SORCS1: variants seen among roughly 807,000 people sequenced by gnomAD.
SORCS1 encodes the protein VPS10 domain-containing receptor SorCS1.
In SORCS1, 60 loss-of-function variants were observed where a neutral mutation model predicts 146.1. That is an observed-to-expected ratio of 0.41 (90% CI 0.33 to 0.51). The LOEUF (loss-of-function observed/expected upper bound fraction) is 0.51, where lower values mean the gene tolerates loss of function less well. SORCS1 is among the 20% of genes least tolerant of loss of function. The pLI is 0.21. For synonymous variants in SORCS1, 637 were observed against 584.0 expected (o/e 1.09, Z -1.31); for missense variants, 1,352 against 1,487.6 (o/e 0.91, Z 1.50).
At chr10:106,807,546 C>T (rs1947250201) in intron 3 of SORCS1, among the ~76,000 whole-genome samples, 1 of 152,150 alleles carries the variant, frequency 6.6e-6, no homozygotes, top group African/African-American at 2.4e-5. Context: ...GCAGGTTTTT[C>T]ACTGAGATGT....
intron 1 of SORCS1, among the ~76,000 whole-genome samples, chr10:107,130,187 A>C (rs1966852180): frequency 6.6e-6 from 1 of 152,234 alleles, no homozygotes; most frequent in African/African-American, 2.4e-5. Context: ...CAAACCACCA[A>C]TAATGAGACA....
At chr10:106,797,394 GT>G (rs1436847177) in intron 3 of SORCS1, among the ~76,000 whole-genome samples, 1 of 151,806 alleles carries the variant, frequency 6.6e-6, no homozygotes, top group East Asian at 1.9e-4. Flanking sequence ...ACTACATGAT[GT>G]TGTTAACTCT....
chr10:107,154,513 A>G (rs1969117007), intron 1 of SORCS1, among the ~76,000 whole-genome samples: 2 of 152,216 alleles, frequency 1.3e-5, no homozygotes, highest in Non-Finnish European at 2.9e-5. Flanking sequence ...GGTTGTTCAC[A>G]ACACATGAAA....
intron 1 of SORCS1, among the ~76,000 whole-genome samples, chr10:107,116,325 C>T (rs1008224528): frequency 9.2e-5 from 14 of 152,100 alleles, no homozygotes; most frequent in Non-Finnish European, 2.1e-4. Context: ...ATATTCATTG[C>T]AGCATTATTC....
At chr10:107,035,480 G>A (rs2133958078) in intron 1 of SORCS1, among the ~76,000 whole-genome samples, 1 of 152,202 alleles carries the variant, frequency 6.6e-6, no homozygotes, top group South Asian at 2.1e-4. Flanking sequence ...CCATGCTTTT[G>A]CAGAATGGAG....
rs1427196970 is a variant in SORCS1, at chr10:106,612,361, CT to C, written c.2921-339del. On this transcript the variant is annotated intron_variant, in intron 21 of 25. Transcript: ENST00000263054. ...GCCCCCCTTCCCCCCTTCTCCTTTC[CT>C]CTGTCTCCCCCTTTCCCCCTTTTCT... 8.8e-5 allele frequency among the ~76,000 whole-genome samples: 11 copies of C among 124,876 alleles called. No homozygotes were observed. In the South Asian group the frequency reaches 1.4e-3, roughly 15 times the overall value. 81.9% of individuals were successfully genotyped at this position (124,876 alleles called of 152,430 possible).
intron 1 of SORCS1, among the ~76,000 whole-genome samples, chr10:107,081,245 A>C (rs1456999494): frequency 1.3e-5 from 2 of 152,198 alleles, no homozygotes; most frequent in Non-Finnish European, 2.9e-5. Context: ...GACATCTGAA[A>C]ATTTTTCCTG....
At chr10:106,728,227 T>C (rs1010503899) in intron 6 of SORCS1, among the ~76,000 whole-genome samples, 1 of 152,152 alleles carries the variant, frequency 6.6e-6, no homozygotes, top group Non-Finnish European at 1.5e-5. Flanking sequence ...AGATGGGGTC[T>C]CACCATGTTG....
chr10:107,145,939 A>C (rs1968286688), intron 1 of SORCS1, among the ~76,000 whole-genome samples: 1 of 152,192 alleles, frequency 6.6e-6, no homozygotes, highest in African/African-American at 2.4e-5. Flanking sequence ...ACTATTACTG[A>C]ACTTTACACA....
At position 106,756,552 on chromosome 10, in the gene SORCS1, A is replaced by G. The variant is rs554560455; in HGVS notation, c.959+5036T>C. On this transcript the variant is annotated intron_variant, in intron 5 of 25. Coordinates refer to ENST00000263054, the MANE Select transcript of SORCS1 (RefSeq NM_052918.5). ...AAAGAACAAGACCACTGTTGCTGTC[A>G]GTTAAATTAAAAGGACACCTATTCT... Among the ~76,000 whole-genome samples, 6 of 152,344 alleles carry G rather than the reference A, an allele frequency of 3.9e-5. No homozygotes were observed. The East Asian group carries it at 9.7e-4, about 25-fold the overall frequency.
At chr10:106,751,049 A>G (rs1218613926) in intron 5 of SORCS1, among the ~76,000 whole-genome samples, 16 of 111,818 alleles carry the variant, frequency 1.4e-4, no homozygotes, top group Admixed American at 1.0e-3. Context: ...ACAGGGTGAG[A>G]CTCCGTCTCA....
At chr10:106,949,140 C>T (rs1187936550) in intron 2 of SORCS1, among the ~76,000 whole-genome samples, 3 of 152,114 alleles carry the variant, frequency 2.0e-5, no homozygotes, top group Non-Finnish European at 4.4e-5. Flanking sequence ...TGGAGAGGTA[C>T]TAAACATTTG....
intron 5 of SORCS1, among the ~76,000 whole-genome samples, chr10:106,752,861 G>A (rs377344726): frequency 1.6e-4 from 24 of 152,266 alleles, no homozygotes; most frequent in African/African-American, 4.8e-4. Flanking sequence ...AGGTAAGACA[G>A]CAGAGATAAA....
At chr10:106,865,964 C>T (rs546604428) in intron 2 of SORCS1, among the ~76,000 whole-genome samples, 1 of 149,354 alleles carries the variant, frequency 6.7e-6, no homozygotes, top group South Asian at 2.1e-4. Flanking sequence ...ACCTGGGAGG[C>T]GGAAGTTGCA....
At chr10:107,016,266 T>C (rs978732507) in intron 1 of SORCS1, among the ~76,000 whole-genome samples, 1 of 152,200 alleles carries the variant, frequency 6.6e-6, no homozygotes, top group Non-Finnish European at 1.5e-5. Context: ...TTTTCTATAA[T>C]GGCACTGAGT....
chr10:106,768,994 C>T (rs907995246), intron 4 of SORCS1, among the ~76,000 whole-genome samples: 5 of 152,158 alleles, frequency 3.3e-5, no homozygotes, highest in Admixed American at 6.5e-5. Flanking sequence ...AGGGGTAGGA[C>T]GTGACAGAGC....
intron 6 of SORCS1, among the ~76,000 whole-genome samples, chr10:106,712,904 C>T (rs1230024383): frequency 3.3e-5 from 5 of 152,246 alleles, no homozygotes; most frequent in African/African-American, 1.2e-4. Context: ...TCAGAAGTTC[C>T]CATATGCAAG....
intron 1 of SORCS1, among the ~76,000 whole-genome samples, chr10:107,011,512 C>T (rs1441080327): frequency 2.6e-5 from 4 of 152,182 alleles, no homozygotes; most frequent in African/African-American, 9.7e-5. Context: ...ACCCAATGAT[C>T]ACTCCATTAG....
chr10:107,084,547 G>C (rs1963620557), intron 1 of SORCS1, among the ~76,000 whole-genome samples: 1 of 151,930 alleles, frequency 6.6e-6, no homozygotes, highest in African/African-American at 2.4e-5. Context: ...AGAGAGAAGA[G>C]AGATTACTGA....
Sources: allele counts gnomAD v4.1 joint callset (sites outside exome capture counted in the v4.1 genomes callset), GRCh38; gene constraint gnomAD v4.1.1; transcripts MANE v1.5; gene names NCBI Gene and HGNC (gene_info 2026-07-23, HGNC 2026-07-21).